IGSF11: variants seen among roughly 807,000 people sequenced by gnomAD.
The protein encoded by IGSF11 is CXADR like 1.
In IGSF11, 22 loss-of-function variants were observed where a neutral mutation model predicts 41.0. That is an observed-to-expected ratio of 0.54 (90% CI 0.38 to 0.77). IGSF11 has a LOEUF of 0.77. Ranked by LOEUF, IGSF11 falls within the 30% of genes least tolerant of loss-of-function variation. IGSF11 has a pLI of 0.00. For synonymous variants in IGSF11, 219 were observed against 201.3 expected (o/e 1.09, Z -0.74); for missense variants, 444 against 530.8 (o/e 0.84, Z 1.61).
intron 1 of IGSF11, among the ~76,000 whole-genome samples, chr3:119,058,953 A>G (rs962192843): frequency 1.3e-5 from 2 of 151,900 alleles, no homozygotes; most frequent in African/African-American, 4.8e-5. Context: ...GAAGGGGAAC[A>G]TCACACATCG....
intron 4 of IGSF11, among the ~76,000 whole-genome samples, chr3:118,916,385 A>T (rs1275738115): frequency 2.0e-5 from 3 of 152,124 alleles, no homozygotes; most frequent in Admixed American, 6.5e-5. Context: ...AGATACACAT[A>T]GGCTCAAAAT....
intron 1 of IGSF11, among the ~76,000 whole-genome samples, chr3:119,101,796 T>C (rs1391704004): frequency 1.3e-5 from 2 of 152,260 alleles, no homozygotes; most frequent in Non-Finnish European, 2.9e-5. Context: ...TCTGTTTCAC[T>C]GGACGGTATC....
intron 1 of IGSF11, among the ~76,000 whole-genome samples, chr3:119,001,661 C>T (rs1936885141): frequency 7.2e-6 from 1 of 139,214 alleles, no homozygotes; most frequent in Non-Finnish European, 1.5e-5. Flanking sequence ...GTGATATTCC[C>T]CTTCCTGTGT....
At chr3:119,033,673 C>T (rs947777833) in intron 1 of IGSF11, among the ~76,000 whole-genome samples, 9 of 152,020 alleles carry the variant, frequency 5.9e-5, no homozygotes, top group Admixed American at 1.3e-4. Flanking sequence ...TCACTGAACC[C>T]GCTTTTTAAA....
chr3:118,961,516 CAAAAT>C (rs1235209224), intron 1 of IGSF11, among the ~76,000 whole-genome samples: 1 of 152,108 alleles, frequency 6.6e-6, no homozygotes, highest in Non-Finnish European at 1.5e-5. Flanking sequence ...AGAAAAGTCT[CAAAAT>C]AAATTAATTA....
At chr3:119,117,845 G>A (rs574553104) in intron 1 of IGSF11, among the ~76,000 whole-genome samples, 30 of 152,284 alleles carry the variant, frequency 2.0e-4, no homozygotes, top group Non-Finnish European at 3.8e-4. Context: ...GGGAAAAATT[G>A]GCTAAAACAA....
rs988155902 is a variant in IGSF11 at position 119,122,762 on chromosome 3, G to T, written c.-13-17557C>A. Among the ~76,000 whole-genome samples the T allele has an allele frequency of 5.3e-5, 8 of 152,178 alleles. 1 individual carries two copies. The South Asian group carries it at 1.0e-3, about 20-fold the overall frequency. On this transcript the variant is annotated intron_variant, in intron 1 of 7. Transcript: ENST00000425327. Reference sequence around the variant, plus strand: ...CTCAGACATTTCTAGACATACCCTAGGCCAGAAGTGAACCCACTGCCTTGA... The same window carrying T: ...CTCAGACATTTCTAGACATACCCTATGCCAGAAGTGAACCCACTGCCTTGA...
intron 1 of IGSF11, among the ~76,000 whole-genome samples, chr3:119,083,132 T>C (rs1226247449): frequency 1.1e-5 from 1 of 87,856 alleles, no homozygotes; most frequent in Non-Finnish European, 3.2e-5. Flanking sequence ...TTTTCTTTTT[T>C]TTTTTTTTTT....
At chr3:118,929,992 C>T in intron 2 of IGSF11, 120 bp downstream of exon 2, 1 of 930,334 alleles carries the variant, frequency 1.1e-6, no homozygotes, top group Non-Finnish European at 1.6e-6. Context: ...TAAAAGAGTA[C>T]ACGCACATTG....
At chr3:118,995,371 G>A (rs1260596826) in intron 1 of IGSF11, among the ~76,000 whole-genome samples, 6 of 152,138 alleles carry the variant, frequency 3.9e-5, no homozygotes, top group Non-Finnish European at 8.8e-5. Context: ...TCACCGTTTA[G>A]CCCCCACAAC....
intron 1 of IGSF11, among the ~76,000 whole-genome samples, chr3:118,939,367 G>A (rs1041105966): frequency 6.6e-6 from 1 of 152,038 alleles, no homozygotes; most frequent in South Asian, 2.1e-4. Flanking sequence ...CCTGAGGTCA[G>A]GAGTTCAAGA....
At chr3:118,972,204 G>A (rs900593571) in intron 1 of IGSF11, among the ~76,000 whole-genome samples, 43 of 152,260 alleles carry the variant, frequency 2.8e-4, no homozygotes, top group Admixed American at 1.3e-3. Context: ...CCCAAATGGC[G>A]AGAACTAAAT....
chr3:119,025,183 A>G (rs769063807), intron 1 of IGSF11, among the ~76,000 whole-genome samples: 2 of 152,216 alleles, frequency 1.3e-5, no homozygotes, highest in Non-Finnish European at 2.9e-5. Flanking sequence ...TTTTACAAAC[A>G]TGTTAAAACC....
intron 1 of IGSF11, among the ~76,000 whole-genome samples, chr3:119,026,876 C>T (rs1433195516): frequency 6.6e-6 from 1 of 152,092 alleles, no homozygotes; most frequent in African/African-American, 2.4e-5. Context: ...ATTTAGCAGA[C>T]ATTTTCTCAA....
At chr3:118,914,060 T>C (rs1247097495) in intron 4 of IGSF11, among the ~76,000 whole-genome samples, 3 of 152,152 alleles carry the variant, frequency 2.0e-5, no homozygotes, top group African/African-American at 7.2e-5. Flanking sequence ...AGTAGAGTTT[T>C]TTTTTACTTC....
chr3:119,068,793 A>G (rs1270711281), intron 1 of IGSF11, among the ~76,000 whole-genome samples: 1 of 152,220 alleles, frequency 6.6e-6, no homozygotes, highest in East Asian at 1.9e-4. Context: ...ATACTGACTC[A>G]CATGATAAAA....
chr3:119,129,855 A>C (rs11925319), intron 1 of IGSF11, among the ~76,000 whole-genome samples: 69,942 of 151,800 alleles, frequency 0.46, 16,189 homozygotes, highest in African/African-American at 0.48. Flanking sequence ...TGTGGTGGCA[A>C]ATGCCTGTAG....
chr3:119,029,273 C>T (rs1186513139), intron 1 of IGSF11, among the ~76,000 whole-genome samples: 1 of 138,380 alleles, frequency 7.2e-6, no homozygotes, highest in Non-Finnish European at 1.7e-5. Flanking sequence ...CACACACACA[C>T]ACCCGAGAGA....
chr3:118,911,461 G>C (rs1382209462), intron 4 of IGSF11, among the ~76,000 whole-genome samples: 1 of 152,080 alleles, frequency 6.6e-6, no homozygotes, highest in Non-Finnish European at 1.5e-5. Context: ...CACACCTATA[G>C]TCCCAGCACT....
Sources: allele counts gnomAD v4.1 joint callset (sites outside exome capture counted in the v4.1 genomes callset), GRCh38; gene constraint gnomAD v4.1.1; transcripts MANE v1.5; gene names NCBI Gene and HGNC (gene_info 2026-07-23, HGNC 2026-07-21).